The following ENOX2 variants were observed in gnomAD, a reference collection of about 807,000 sequenced individuals.
The protein encoded by ENOX2 is ecto-NOX disulfide-thiol exchanger 2.
ENOX2 carries 36 observed loss-of-function variants against 45.0 expected under a neutral mutation model. The observed-to-expected ratio is 0.80, with a 90% CI of 0.61 to 1.06. The LOEUF is 1.06. ENOX2 is among the 50% of genes least tolerant of loss of function. The pLI, the probability that ENOX2 is intolerant of heterozygous loss-of-function variation, is 0.00. For missense variants in ENOX2, 423 were observed against 462.5 expected (o/e 0.91, Z 0.78); for synonymous variants, 174 against 152.3 (o/e 1.14, Z -1.05).
At chrX:130,875,265 CT>C (rs545175702) in intron 2 of ENOX2, among the ~76,000 whole-genome samples, 1,290 of 95,609 alleles carry the variant, frequency 0.013, 16 homozygotes, top group African/African-American at 0.036. Flanking sequence ...TCTAAGCTGG[CT>C]TTTTTTTTTT....
intron 2 of ENOX2, among the ~76,000 whole-genome samples, chrX:130,799,201 G>A (rs1318457463): frequency 9.0e-6 from 1 of 111,664 alleles, no homozygotes; most frequent in Non-Finnish European, 1.9e-5. Context: ...GGACTAGACT[G>A]GCTGAGTCTT....
chrX:130,886,534 C>G (rs1450106956), intron 2 of ENOX2, among the ~76,000 whole-genome samples: 5 of 111,881 alleles, frequency 4.5e-5, no homozygotes, highest in Non-Finnish European at 9.4e-5. Context: ...TATTATGGAC[C>G]ATTATGTTTC....
At chrX:130,784,851 G>A (rs2076945452) in intron 2 of ENOX2, among the ~76,000 whole-genome samples, 1 of 108,252 alleles carries the variant, frequency 9.2e-6, no homozygotes, top group African/African-American at 3.4e-5. Context: ...GCCTCCCAAA[G>A]TGCTGGGATT....
In ENOX2 at chrX:130,689,356, T is replaced by C. The variant is rs1407630337; in HGVS notation, c.98-338A>G. ...GCTCCATTCCGAGAAGGCTTTTTAC[T>C]GTCCCTTGTACATGTTTTCTTTGTA... On this transcript the variant is annotated intron_variant, in intron 4 of 14. Coordinates refer to ENST00000394363, the MANE Select transcript of ENOX2 (RefSeq NM_006375.4). Among the ~76,000 whole-genome samples the C allele has an allele frequency of 2.7e-5, 3 of 111,698 alleles. No homozygotes were observed. The East Asian group carries it at 8.4e-4, about 31-fold the overall frequency.
chrX:130,766,058 T>C (rs1277504455), intron 3 of ENOX2, among the ~76,000 whole-genome samples: 1 of 111,674 alleles, frequency 9.0e-6, no homozygotes, highest in Non-Finnish European at 1.9e-5. Flanking sequence ...TTATATGCAA[T>C]AGATGTCTTA....
At chrX:130,892,912 T>C (rs1393678068) in intron 2 of ENOX2, among the ~76,000 whole-genome samples, 3 of 112,413 alleles carry the variant, frequency 2.7e-5, no homozygotes, top group Non-Finnish European at 5.6e-5. Context: ...ATAAAGCAAA[T>C]ACAACAAAAT....
In ENOX2 at chrX:130,800,102, C is replaced by T. The variant is rs2077193388; in HGVS notation, c.-182-16412G>A. ...CTAACGCTGAAATGCTAAAAGTATG[C>T]CCAGTATGGTAGGAATAAATTACCC... On this transcript the variant is annotated intron_variant, in intron 2 of 14. Coordinates refer to ENST00000394363, the MANE Select transcript of ENOX2 (RefSeq NM_006375.4). Among the ~76,000 whole-genome samples, 3 of 110,388 alleles carry T rather than the reference C, an allele frequency of 2.7e-5. No homozygotes were observed. In the Admixed American group the frequency reaches 2.9e-4, roughly 11 times the overall value.
chrX:130,805,062 T>C (rs1026788132), intron 2 of ENOX2, among the ~76,000 whole-genome samples: 12 of 111,554 alleles, frequency 1.1e-4, no homozygotes, highest in Admixed American at 4.8e-4. Flanking sequence ...CAAGGTACCA[T>C]ACATGAGGCA....
chrX:130,902,267 A>G (rs1207615969), intron 1 of ENOX2, among the ~76,000 whole-genome samples: 1 of 111,955 alleles, frequency 8.9e-6, no homozygotes, highest in African/African-American at 3.3e-5. Context: ...GTTTGTCAAC[A>G]TTAGTGCTAT....
In ENOX2 at chrX:130,658,575, T is replaced by A. The variant is rs2036605233; in HGVS notation, c.1015-1880A>T. Among the ~76,000 whole-genome samples the A allele has an allele frequency of 2.7e-5, 3 of 111,498 alleles. No individual in the cohort carries two copies. The Admixed American group carries it at 2.9e-4, about 11-fold the overall frequency. On this transcript the variant is annotated intron_variant, in intron 9 of 14. Coordinates refer to ENST00000394363, the MANE Select transcript of ENOX2 (RefSeq NM_006375.4). ...GCAGGATATGTGTGAAAAAAGTACA[T>A]CATATTAAAACAGCAGAAAGCTAAA...
chrX:130,744,280 T>C (rs755110182), intron 3 of ENOX2, among the ~76,000 whole-genome samples: 1 of 112,352 alleles, frequency 8.9e-6, no homozygotes, highest in South Asian at 3.7e-4. Flanking sequence ...ACTCAGTAAA[T>C]ATTCTACTTT....
At chrX:130,781,681 C>T (rs911440992) in intron 3 of ENOX2, among the ~76,000 whole-genome samples, 1 of 111,820 alleles carries the variant, frequency 8.9e-6, no homozygotes, top group Non-Finnish European at 1.9e-5. Context: ...AGTTGATGCC[C>T]TAAATTCTGT....
intron 2 of ENOX2, among the ~76,000 whole-genome samples, chrX:130,809,496 A>G (rs141229438): frequency 2.7e-5 from 3 of 112,148 alleles, no homozygotes; most frequent in African/African-American, 9.7e-5. Context: ...GCCAAAGCAT[A>G]TGTCCAAGAT....
intron 3 of ENOX2, among the ~76,000 whole-genome samples, chrX:130,729,936 C>T (rs752940702): frequency 4.5e-5 from 5 of 112,186 alleles, no homozygotes; most frequent in Non-Finnish European, 7.5e-5. Flanking sequence ...ATTGTGTGTT[C>T]ATGTGTGGGT....
rs749781648 is a variant in ENOX2 at position 130,814,387 on chromosome X, A to G, written c.-182-30697T>C. Among the ~76,000 whole-genome samples the G allele has an allele frequency of 2.7e-5, 3 of 112,160 alleles. No individual in the cohort carries two copies. The East Asian group carries it at 8.5e-4, about 32-fold the overall frequency. ...AGCAGATCTCCCAGCACAGCTCTCG[A>G]GCTCTGCTAAGAGACAGACTGCCTC... On this transcript the variant is annotated intron_variant, in intron 2 of 14. Transcript: ENST00000394363.
At chrX:130,754,922 C>T (rs1569497284) in intron 3 of ENOX2, among the ~76,000 whole-genome samples, 1 of 111,972 alleles carries the variant, frequency 8.9e-6, no homozygotes, top group Non-Finnish European at 1.9e-5. Context: ...CAGAGCATGT[C>T]TTGTAAACCT....
At position 130,834,141 on chromosome X, in the gene ENOX2, AG is replaced by A. The variant is rs200063798; in HGVS notation, c.-182-50452del. Among the ~76,000 whole-genome samples, 727 of 111,838 alleles carry A rather than the reference AG, an allele frequency of 6.5e-3. 24 individuals carry two copies. The Admixed American group carries it at 0.065, about 10-fold the overall frequency. On this transcript the variant is annotated intron_variant, in intron 2 of 14. Transcript: ENST00000394363. ...CTCCATTCTCTAACTTCCACTATAG[AG>A]CCCAACCTTTCAGCCCATGTCTTCT... is the stretch of plus-strand genomic sequence containing the variant.
intron 3 of ENOX2, chrX:130,709,468 A>G (rs752819483): frequency 2.9e-4 from 127 of 431,000 alleles, no homozygotes; most frequent in Middle Eastern, 4.7e-4. Flanking sequence ...GTAAAACCCA[A>G]CGTCTACTAA....
chrX:130,667,849 T>C (rs2036877471), intron 7 of ENOX2, 107 bp from the exon 8 acceptor site: 4 of 549,968 alleles, frequency 7.3e-6, no homozygotes, highest in Non-Finnish European at 1.2e-5. Context: ...GATGGGTAAA[T>C]GAATTGCTGA....
Sources: allele counts gnomAD v4.1 joint callset (sites outside exome capture counted in the v4.1 genomes callset), GRCh38; gene constraint gnomAD v4.1.1; transcripts MANE v1.5; gene names NCBI Gene and HGNC (gene_info 2026-07-23, HGNC 2026-07-21).